SHTN1: variants seen among roughly 807,000 people sequenced by gnomAD.
The protein encoded by SHTN1 is shootin-1.
Under a neutral mutation model 83.1 loss-of-function variants are expected in SHTN1, and 42 were observed. The observed-to-expected ratio is 0.51, with a 90% CI of 0.39 to 0.65. The LOEUF (loss-of-function observed/expected upper bound fraction) is 0.65. SHTN1 is among the 30% of genes least tolerant of loss of function. SHTN1 has a pLI of 0.00. For synonymous variants in SHTN1, 224 were observed against 247.7 expected (o/e 0.90, Z 0.90); for missense variants, 622 against 737.8 (o/e 0.84, Z 1.82).
At chr10:116,901,701 A>AAC (rs1265813488) in intron 16 of SHTN1, 64 bp downstream of exon 16, 2 of 1,422,718 alleles carry the variant, frequency 1.4e-6, no homozygotes, top group African/African-American at 3.0e-5. Flanking sequence ...AAATCAAAGA[A>AAC]ACACACAAGT....
intron 1 of SHTN1, among the ~76,000 whole-genome samples, chr10:117,108,132 T>C (rs1212669434): frequency 1.3e-5 from 2 of 152,228 alleles, no homozygotes; most frequent in Non-Finnish European, 2.9e-5. Context: ...AGCTGTTTTC[T>C]TAACCACAAT....
At position 116,913,422 on chromosome 10, in the gene SHTN1, AG is replaced by A. The variant is rs1395301377; in HGVS notation, c.1306-1580del. On this transcript the variant is annotated intron_variant, in intron 13 of 16. Coordinates refer to ENST00000355371, the MANE Select transcript of SHTN1 (RefSeq NM_001127211.3). ...TTCAAGATTTACCAGCAAAAAACCCAGTTGTCCACTGATCCTTGTTCAGTTG... is the reference window on the plus strand; with the variant it reads ...TTCAAGATTTACCAGCAAAAAACCCATTGTCCACTGATCCTTGTTCAGTTG... Among the ~76,000 whole-genome samples the A allele has an allele frequency of 2.0e-5, 3 of 152,378 alleles. No homozygotes were observed. In the East Asian group the frequency reaches 5.8e-4, roughly 29 times the overall value.
intron 6 of SHTN1, among the ~76,000 whole-genome samples, chr10:116,949,534 T>C (rs1005915541): frequency 2.6e-5 from 4 of 152,206 alleles, no homozygotes; most frequent in South Asian, 2.1e-4. Context: ...ATTTTAAATG[T>C]TGATTAGCAT....
In SHTN1 at chr10:117,005,031, T is replaced by G. The variant is rs1851964309; in HGVS notation, c.49A>C (p.Lys17Gln). 1.3e-6 allele frequency: 2 copies of G among 1,597,244 alleles called. No individual in the cohort carries two copies. Among genetic ancestry groups the G allele is most frequent in the East Asian group, 4.5e-5 (2 of 44,464 alleles). Residue 17 changes from lysine to glutamine, a missense_variant, in exon 1 of 17, where the codon AAG becomes CAG. Lys to Gln is a moderately conservative substitution (Grantham distance 53, BLOSUM62 1). Coordinates refer to ENST00000355371, the MANE Select transcript of SHTN1 (RefSeq NM_001127211.3). ...CCCGCGTGCTGCCTACCTTGCTCCT[T>G]CAGACTGGTAATGAGCTGCAGCTGC... ...EKQLQLITSL[K>Q]EQAIGEYEDL...
intron 1 of SHTN1, among the ~76,000 whole-genome samples, chr10:117,109,553 CTTTTT>C (rs374713015): frequency 3.7e-4 from 16 of 42,950 alleles, no homozygotes; most frequent in South Asian, 1.5e-3. Context: ...ACATATATTA[CTTTTT>C]TTTTTTTTTT....
At chr10:116,911,697 A>C in intron 14 of SHTN1, 93 bp downstream of exon 14, 1 of 1,581,002 alleles carries the variant, frequency 6.3e-7, no homozygotes. Flanking sequence ...ATGGGAATAA[A>C]ACACACCACA....
intron 16 of SHTN1, chr10:116,900,586 G>T (rs1246824322): frequency 6.5e-7 from 1 of 1,531,558 alleles, no homozygotes; most frequent in Admixed American, 2.0e-5. Context: ...ACACACTGAA[G>T]CATTTATCAG....
chr10:116,905,264 C>T (rs1049408083), intron 15 of SHTN1, among the ~76,000 whole-genome samples: 3 of 148,462 alleles, frequency 2.0e-5, no homozygotes, highest in East Asian at 3.9e-4. Flanking sequence ...AAGGCTGAAA[C>T]GATGAAAAGG....
rs191597698 is a variant in SHTN1 at position 117,086,433 on chromosome 10, T to C, written c.-188-37923A>G. Among the ~76,000 whole-genome samples, 686 of 152,348 alleles carry C rather than the reference T, an allele frequency of 4.5e-3. 8 individuals carry two copies. Among genetic ancestry groups the C allele is most frequent in the African/African-American group, 0.016 (655 of 41,578 alleles). On this transcript the variant is annotated intron_variant, in intron 1 of 17. Transcript: ENST00000392901. ...TCTTTTCATTGATGTATTAGACCAT[T>C]CACATTTTAATTAATTATGAATATA...
chr10:116,990,222 C>T lies in SHTN1; in HGVS notation c.59-10914G>A, dbSNP rs1180725449. 3.3e-5 allele frequency among the ~76,000 whole-genome samples: 5 copies of T among 151,048 alleles called. No individual in the cohort carries two copies. The East Asian group carries it at 9.7e-4, about 29-fold the overall frequency. ...ATTTGGTTTGGGTACATATTGATGA[C>T]TGATCTTTAGCCACCCAGAAAAGGC... On this transcript the variant is annotated intron_variant, in intron 1 of 16. Coordinates refer to ENST00000355371, the MANE Select transcript of SHTN1 (RefSeq NM_001127211.3).
intron 1 of SHTN1, among the ~76,000 whole-genome samples, chr10:116,981,243 C>T (rs1487589937): frequency 6.6e-5 from 10 of 152,034 alleles, no homozygotes; most frequent in Admixed American, 5.2e-4. Flanking sequence ...CGCGTGAACC[C>T]GGGAAGCAGA....
At chr10:116,886,842 T>G (rs968893329) in intron 16 of SHTN1, among the ~76,000 whole-genome samples, 2 of 152,318 alleles carry the variant, frequency 1.3e-5, no homozygotes, top group Admixed American at 6.5e-5. Context: ...CCTGCTTAAT[T>G]GCATTCTCTT....
At chr10:116,939,844 G>C (rs1564887407) in intron 9 of SHTN1, among the ~76,000 whole-genome samples, 2 of 152,074 alleles carry the variant, frequency 1.3e-5, no homozygotes, top group African/African-American at 2.4e-5. Flanking sequence ...CTTTAATTTG[G>C]AAGTCTTTGT....
At chr10:116,989,611 C>T (rs943724321) in intron 1 of SHTN1, among the ~76,000 whole-genome samples, 1 of 152,140 alleles carries the variant, frequency 6.6e-6, no homozygotes, top group Admixed American at 6.5e-5. Flanking sequence ...AGCAATGGCA[C>T]CAGAGGAATC....
At chr10:117,097,892 T>G (rs1853529144) in intron 1 of SHTN1, among the ~76,000 whole-genome samples, 1 of 145,932 alleles carries the variant, frequency 6.9e-6, no homozygotes, top group South Asian at 2.1e-4. Context: ...TCAAAGGTTG[T>G]TTTTTTTTTT....
Position 116,881,848 on chromosome 10 carries a change from T to C in SHTN1, c.*4496A>G. The C allele has an allele frequency of 6.2e-6, 3 of 481,322 alleles. No individual in the cohort carries two copies. The South Asian group carries it at 2.7e-4, about 43-fold the overall frequency. The allele number at this position is 481,322 out of a possible 1,614,324, so 29.8% of individuals were successfully genotyped here. On this transcript the variant is annotated 3_prime_UTR_variant, in exon 17 of 17. Coordinates refer to ENST00000355371, the MANE Select transcript of SHTN1 (RefSeq NM_001127211.3). The stretch of plus-strand genomic sequence containing the variant: ...TATATGATGTTTTTGCCTGAAATTC[T>C]GTGAACTTCGTTTTGCAGCCACCAC...
At chr10:116,995,185 G>A (rs1851584424) in intron 1 of SHTN1, among the ~76,000 whole-genome samples, 1 of 152,034 alleles carries the variant, frequency 6.6e-6, no homozygotes, top group South Asian at 2.1e-4. Flanking sequence ...CTTTCTAAAA[G>A]CTTTTTGCAA....
At chr10:116,958,086 G>A (rs1850047987) in intron 4 of SHTN1, among the ~76,000 whole-genome samples, 1 of 151,992 alleles carries the variant, frequency 6.6e-6, no homozygotes. Context: ...AAATTACGAG[G>A]TCAAGCTGCA....
At chr10:117,091,802 CT>C (rs1190153861) in intron 1 of SHTN1, among the ~76,000 whole-genome samples, 2 of 152,160 alleles carry the variant, frequency 1.3e-5, no homozygotes, top group African/African-American at 4.8e-5. Flanking sequence ...AGTGAGTGTC[CT>C]TTCCAGGAAG....
Sources: gnomAD v4.1 joint callset for allele counts (sites outside exome capture counted in the v4.1 genomes callset) on GRCh38, gnomAD v4.1.1 for gene constraint, MANE v1.5 for transcripts, NCBI Gene and HGNC (gene_info 2026-07-23, HGNC 2026-07-21) for gene names.